BCKDHB: variants seen among roughly 807,000 people sequenced by gnomAD.
BCKDHB encodes the protein branched chain keto acid dehydrogenase E1 subunit beta.
In BCKDHB, 41 loss-of-function variants were observed where a neutral mutation model predicts 48.5. That is an observed-to-expected ratio of 0.85 (90% CI 0.66 to 1.10). The LOEUF is 1.10. BCKDHB is among the 50% of genes least tolerant of loss of function. The probability of loss-of-function intolerance (pLI) is 0.00; values close to 1 mark genes in which losing one functional copy is unlikely to be tolerated. For synonymous variants in BCKDHB, 201 were observed against 174.8 expected, an observed-to-expected ratio of 1.15 and a Z score of -1.18; for missense variants, 496 against 494.2, an observed-to-expected ratio of 1.00 and a Z score of -0.03.
the BCKDHB span, among the ~76,000 whole-genome samples, chr6:80,365,487 T>C: frequency 6.6e-6 from 1 of 152,060 alleles, no homozygotes; most frequent in East Asian, 1.9e-4. Context: ...TTTAGTGATA[T>C]CTCTCCTACT....
At chr6:80,183,214 C>T (rs1237458347) in intron 6 of BCKDHB, among the ~76,000 whole-genome samples, 1 of 152,016 alleles carries the variant, frequency 6.6e-6, no homozygotes, top group Non-Finnish European at 1.5e-5. Context: ...TTGACGAAGC[C>T]AGATGCTGTG....
chr6:80,463,510 A>G, the BCKDHB span, among the ~76,000 whole-genome samples: 2 of 152,184 alleles, frequency 1.3e-5, no homozygotes, highest in African/African-American at 4.8e-5. Context: ...CAAAGAAGTG[A>G]GGAGTTTAAA....
intron 8 of BCKDHB, among the ~76,000 whole-genome samples, chr6:80,238,821 A>G (rs917489365): frequency 5.3e-5 from 8 of 151,926 alleles, no homozygotes; most frequent in South Asian, 2.1e-4. Flanking sequence ...TCATTGTTCA[A>G]TTCCCACCTA....
At chr6:80,208,732 A>G (rs556979646) in intron 8 of BCKDHB, among the ~76,000 whole-genome samples, 10 of 152,016 alleles carry the variant, frequency 6.6e-5, no homozygotes, top group Admixed American at 2.0e-4. Flanking sequence ...TACAAGAGGA[A>G]TTAGAAAATC....
At chr6:80,241,306 G>A (rs2127913477) in intron 8 of BCKDHB, among the ~76,000 whole-genome samples, 1 of 152,292 alleles carries the variant, frequency 6.6e-6, no homozygotes, top group Middle Eastern at 3.4e-3. Flanking sequence ...GTGAGGAGCT[G>A]CGATCCTTTG....
intron 9 of BCKDHB, among the ~76,000 whole-genome samples, chr6:80,339,300 C>A (rs1210976726): frequency 6.6e-6 from 1 of 152,062 alleles, no homozygotes; most frequent in African/African-American, 2.4e-5. Flanking sequence ...TACTTAAAAC[C>A]GTAATGGATC....
intron 8 of BCKDHB, among the ~76,000 whole-genome samples, chr6:80,220,932 A>G (rs984691295): frequency 6.6e-6 from 1 of 151,762 alleles, no homozygotes; most frequent in Non-Finnish European, 1.5e-5. Flanking sequence ...ACAGGGTTTC[A>G]CCATGTTGGT....
chr6:80,322,889 C>CTTTTTTTTTT (rs1562229255), intron 9 of BCKDHB, among the ~76,000 whole-genome samples: 2 of 116,626 alleles, frequency 1.7e-5, no homozygotes, highest in African/African-American at 3.1e-5. Context: ...CTTTTTTTTT[C>CTTTTTTTTTT]TTTTTTCTTT....
chr6:80,437,810 T>G, the BCKDHB span, among the ~76,000 whole-genome samples: 1 of 152,216 alleles, frequency 6.6e-6, no homozygotes, highest in Non-Finnish European at 1.5e-5. Context: ...CTTAATGTTA[T>G]GCTATATTTG....
chr6:80,370,099 G>C, the BCKDHB span, among the ~76,000 whole-genome samples: 2 of 152,120 alleles, frequency 1.3e-5, no homozygotes, highest in Non-Finnish European at 2.9e-5. Context: ...TCATAAAATA[G>C]AAGTAAATGA....
rs1234537112 is a variant in BCKDHB, at chr6:80,167,387, T to C, written c.344-291T>C. ...TACTTACAATTAATACAATTATTAA[T>C]TGGATTTAAATAATTCACCTTACTA... On this transcript the variant is annotated intron_variant, in intron 3 of 9. Transcript: ENST00000320393. 4.6e-5 allele frequency among the ~76,000 whole-genome samples: 7 copies of C among 152,166 alleles called. No individual in the cohort carries two copies. In the South Asian group the frequency reaches 1.0e-3, roughly 23 times the overall value.
chr6:80,212,509 A>T (rs896602124), intron 8 of BCKDHB, among the ~76,000 whole-genome samples: 9 of 152,156 alleles, frequency 5.9e-5, no homozygotes, highest in African/African-American at 2.2e-4. Flanking sequence ...AATCACTGTT[A>T]TTCTGTTCCT....
At chr6:80,419,801 G>C in the BCKDHB span, among the ~76,000 whole-genome samples, 1 of 152,206 alleles carries the variant, frequency 6.6e-6, no homozygotes, top group South Asian at 2.1e-4. Context: ...TCCCATGAAC[G>C]GTTCCCAGCT....
intron 7 of BCKDHB, among the ~76,000 whole-genome samples, chr6:80,201,886 A>G (rs1301976275): frequency 6.6e-6 from 1 of 152,202 alleles, no homozygotes; most frequent in Non-Finnish European, 1.5e-5. Context: ...TAAAGAAGAT[A>G]ACAAAAATAG....
intron 9 of BCKDHB, among the ~76,000 whole-genome samples, chr6:80,274,952 A>T (rs910777756): frequency 6.6e-6 from 1 of 152,046 alleles, no homozygotes; most frequent in Non-Finnish European, 1.5e-5. Context: ...AAACATAGTC[A>T]CTATAACTAA....
intron 8 of BCKDHB, among the ~76,000 whole-genome samples, chr6:80,207,687 A>G (rs1279901831): frequency 2.6e-5 from 4 of 151,838 alleles, no homozygotes; most frequent in African/African-American, 9.7e-5. Flanking sequence ...GGATGGAAAA[A>G]GAAAGCTGGT....
intron 9 of BCKDHB, among the ~76,000 whole-genome samples, chr6:80,332,340 TG>T (rs1227644345): frequency 6.6e-6 from 1 of 152,234 alleles, no homozygotes; most frequent in South Asian, 2.1e-4. Context: ...TGGCTTGTTC[TG>T]GTATGTGTTG....
At chr6:80,451,776 C>T in the BCKDHB span, among the ~76,000 whole-genome samples, 3 of 151,600 alleles carry the variant, frequency 2.0e-5, no homozygotes, top group African/African-American at 7.3e-5. Context: ...CACAGTATCA[C>T]AGGTCAGAAA....
chr6:80,442,738 A>T, the BCKDHB span, among the ~76,000 whole-genome samples: 1 of 152,134 alleles, frequency 6.6e-6, no homozygotes, highest in Non-Finnish European at 1.5e-5. Context: ...TATCTTTGGG[A>T]TACTGGACAA....
Sources: gnomAD v4.1 joint callset for allele counts (sites outside exome capture counted in the v4.1 genomes callset) on GRCh38, gnomAD v4.1.1 for gene constraint, MANE v1.5 for transcripts, NCBI Gene and HGNC (gene_info 2026-07-23, HGNC 2026-07-21) for gene names.